CPNE8: variants seen among roughly 807,000 people sequenced by gnomAD.
CPNE8 encodes copine-8.
A neutral mutation model predicts 81.5 loss-of-function variants in CPNE8; 45 were observed. The ratio of observed to expected loss-of-function variants is 0.55; its 90% confidence interval spans 0.44 to 0.71. The LOEUF (loss-of-function observed/expected upper bound fraction) is 0.71, where lower values mean the gene tolerates loss of function less well. Among genes scored for constraint, CPNE8 ranks in the 30% least tolerant of loss-of-function variants. CPNE8 has a pLI of 0.00. For missense variants in CPNE8, 594 were observed against 672.1 expected (o/e 0.88, Z 1.28); for synonymous variants, 252 against 226.3 (o/e 1.11, Z -1.02).
At chr12:38,894,202 G>T (rs1944353402) in intron 1 of CPNE8, among the ~76,000 whole-genome samples, 2 of 152,096 alleles carry the variant, frequency 1.3e-5, no homozygotes, top group Admixed American at 1.3e-4. Flanking sequence ...TGTTCCACAA[G>T]GAAGCAAGAT....
At chr12:38,794,634 TA>T (rs139729909) in intron 6 of CPNE8, among the ~76,000 whole-genome samples, 4 of 146,704 alleles carry the variant, frequency 2.7e-5, no homozygotes, top group African/African-American at 5.1e-5. Flanking sequence ...AACTACTATT[TA>T]AAAAAAAACT....
In CPNE8 at chr12:38,762,105, T is replaced by A. The variant is rs759616859; in HGVS notation, c.680+7A>T. On this transcript the variant is annotated splice_region_variant and intron_variant, in intron 9 of 19. Coordinates refer to ENST00000331366, the MANE Select transcript of CPNE8 (RefSeq NM_153634.3). The stretch of plus-strand genomic sequence containing the variant: ...TTGAAGATTTTTGAATAAACTATCC[T>A]TCTTACCTGTCATAGTCTCCATTAC... 7.3e-7 allele frequency: 1 copy of A among 1,367,964 alleles called. No individual in the cohort carries two copies. 84.7% of individuals were successfully genotyped at this position (1,367,964 alleles called of 1,614,324 possible). A position where few individuals can be genotyped will look rare whatever the true frequency, so the allele number is the denominator to read the frequency against.
chr12:38,889,926 T>C (rs1944288257), intron 1 of CPNE8, among the ~76,000 whole-genome samples: 1 of 152,188 alleles, frequency 6.6e-6, no homozygotes, highest in Non-Finnish European at 1.5e-5. Flanking sequence ...GAAAGCAACC[T>C]AGAATTTTCA....
At chr12:38,676,203 A>G in intron 17 of CPNE8, 1 of 618,386 alleles carries the variant, frequency 1.6e-6, no homozygotes, top group Non-Finnish European at 2.0e-6. Flanking sequence ...ACAGATGTTC[A>G]TTAAAATAAT....
chr12:38,680,527 A>T (rs2136653786), intron 16 of CPNE8, among the ~76,000 whole-genome samples: 1 of 152,138 alleles, frequency 6.6e-6, no homozygotes, highest in Non-Finnish European at 1.5e-5. Flanking sequence ...AGAGATAAAA[A>T]GGCTTAAAGA....
At chr12:38,735,256 AAAT>A (rs1940926404) in intron 10 of CPNE8, among the ~76,000 whole-genome samples, 3 of 31,404 alleles carry the variant, frequency 9.6e-5, no homozygotes, top group South Asian at 1.8e-3. Flanking sequence ...GCAGTCACGA[AAAT>A]GAAAGACCCC....
intron 6 of CPNE8, among the ~76,000 whole-genome samples, chr12:38,790,493 T>C (rs992929088): frequency 7.3e-5 from 11 of 151,608 alleles, no homozygotes; most frequent in Admixed American, 2.6e-4. Flanking sequence ...AATGGGAATA[T>C]AAAAACAATA....
chr12:38,712,829 G>T lies in CPNE8; in HGVS notation c.915-9908C>A, dbSNP rs575510371. ...ATCCTCAAATAGAAATGAACTACAAGAAAGTGATTTTCATGGGCTTTGTAA... is the reference window on the plus strand; with the variant it reads ...ATCCTCAAATAGAAATGAACTACAATAAAGTGATTTTCATGGGCTTTGTAA... On this transcript the variant is annotated intron_variant, in intron 13 of 19. Transcript: ENST00000331366. 5.3e-5 allele frequency among the ~76,000 whole-genome samples: 8 copies of T among 152,262 alleles called. No homozygotes were observed. The South Asian group carries it at 1.7e-3, about 32-fold the overall frequency.
At chr12:38,726,273 A>T (rs1940694464) in intron 11 of CPNE8, 1 of 152,044 alleles carries the variant, frequency 6.6e-6, no homozygotes, top group South Asian at 2.1e-4. Context: ...TCACCAAAAA[A>T]AAAAACAAAA....
At chr12:38,657,911 C>T (rs1274262920) in intron 19 of CPNE8, among the ~76,000 whole-genome samples, 1 of 152,026 alleles carries the variant, frequency 6.6e-6, no homozygotes, top group Non-Finnish European at 1.5e-5. Flanking sequence ...CATCAAAGAC[C>T]AAAGGAAGAT....
intron 3 of CPNE8, among the ~76,000 whole-genome samples, chr12:38,855,573 A>G (rs981135408): frequency 2.0e-5 from 3 of 152,056 alleles, no homozygotes; most frequent in African/African-American, 7.2e-5. Flanking sequence ...TCCATGCACA[A>G]CACAGAATGT....
intron 13 of CPNE8, among the ~76,000 whole-genome samples, chr12:38,722,058 C>T (rs931258735): frequency 3.3e-5 from 5 of 152,154 alleles, no homozygotes; most frequent in Admixed American, 3.3e-4. Context: ...GGAACGAGCC[C>T]AGCAGGCCCT....
chr12:38,717,458 T>TATATATAC (rs1339046227), intron 13 of CPNE8, among the ~76,000 whole-genome samples: 3 of 138,738 alleles, frequency 2.2e-5, no homozygotes, highest in African/African-American at 5.3e-5. Context: ...TATATATATA[T>TATATATAC]ACACCATGGA....
Position 38,852,923 on chromosome 12 carries a change from C to T in CPNE8, c.187-4261G>A, listed in dbSNP as rs559001974. On this transcript the variant is annotated intron_variant, in intron 3 of 19. Coordinates refer to ENST00000331366, the MANE Select transcript of CPNE8 (RefSeq NM_153634.3). The stretch of plus-strand genomic sequence containing the variant: ...ATGATTATCATCTAATTTTTTAAAA[C>T]TGTATTATGCATTTCTGGGTTTTCC... 2.6e-5 allele frequency among the ~76,000 whole-genome samples: 4 copies of T among 152,102 alleles called. No homozygotes were observed. The South Asian group carries it at 8.3e-4, about 32-fold the overall frequency.
intron 10 of CPNE8, among the ~76,000 whole-genome samples, chr12:38,759,618 G>A (rs1334320780): frequency 1.3e-5 from 2 of 152,194 alleles, no homozygotes; most frequent in South Asian, 2.1e-4. Context: ...TCATAATAAT[G>A]TTTGTGATAC....
intron 10 of CPNE8, among the ~76,000 whole-genome samples, chr12:38,733,968 T>C (rs2136773384): frequency 6.6e-6 from 1 of 152,108 alleles, no homozygotes; most frequent in East Asian, 1.9e-4. Flanking sequence ...ACTTATCTTT[T>C]ACTCTACAGC....
intron 6 of CPNE8, among the ~76,000 whole-genome samples, chr12:38,799,498 C>G (rs908113977): frequency 6.6e-6 from 1 of 152,096 alleles, no homozygotes; most frequent in Non-Finnish European, 1.5e-5. Flanking sequence ...TTTAAACCAA[C>G]GAGAACAAAG....
intron 6 of CPNE8, among the ~76,000 whole-genome samples, chr12:38,798,861 A>T (rs995182906): frequency 1.2e-4 from 19 of 152,270 alleles, no homozygotes; most frequent in African/African-American, 4.1e-4. Context: ...AAGATCTACC[A>T]AGCAAATGGA....
At chr12:38,721,166 T>A (rs1940555455) in intron 13 of CPNE8, 1 of 152,900 alleles carries the variant, frequency 6.5e-6, no homozygotes, top group African/African-American at 2.4e-5. Flanking sequence ...AGGATGGGGT[T>A]GACCAGCAGC....
Sources: gnomAD v4.1 joint callset for allele counts (sites outside exome capture counted in the v4.1 genomes callset) on GRCh38, gnomAD v4.1.1 for gene constraint, MANE v1.5 for transcripts, NCBI Gene and HGNC (gene_info 2026-07-23, HGNC 2026-07-21) for gene names.